Variants in NEDD4 observed in about 807,000 individuals in gnomAD.
NEDD4 encodes the protein E3 ubiquitin-protein ligase NEDD4.
A neutral mutation model predicts 144.9 loss-of-function variants in NEDD4; 99 were observed. The ratio of observed to expected loss-of-function variants is 0.68; its 90% CI spans 0.58 to 0.81. The LOEUF (loss-of-function observed/expected upper bound fraction) is 0.81. NEDD4 is among the 30% of genes least tolerant of loss of function. The pLI is 0.00. For synonymous variants in NEDD4, 318 were observed against 350.6 expected, an observed-to-expected ratio of 0.91 and a Z score of 1.04; for missense variants, 985 against 1,065.9, an observed-to-expected ratio of 0.92 and a Z score of 1.06.
At chr15:55,978,465 T>G (rs1449384793) in intron 1 of NEDD4, among the ~76,000 whole-genome samples, 1 of 152,220 alleles carries the variant, frequency 6.6e-6, no homozygotes, top group Non-Finnish European at 1.5e-5. Context: ...TTGTAATCTC[T>G]CACATGTTTG....
chr15:55,969,558 C>A (rs181348165), intron 1 of NEDD4, among the ~76,000 whole-genome samples: 11 of 152,264 alleles, frequency 7.2e-5, no homozygotes, highest in Non-Finnish European at 1.6e-4. Flanking sequence ...TGTTCTCCAA[C>A]TTGGATACCA....
At chr15:55,849,586 T>C (rs904747537) in intron 14 of NEDD4, among the ~76,000 whole-genome samples, 6 of 152,096 alleles carry the variant, frequency 3.9e-5, no homozygotes, top group African/African-American at 1.4e-4. Flanking sequence ...ATTAATATTT[T>C]TGAATAACAG....
chr15:55,940,438 CTTAT>C (rs1269362262), intron 4 of NEDD4, among the ~76,000 whole-genome samples: 1 of 150,602 alleles, frequency 6.6e-6, no homozygotes, highest in Non-Finnish European at 1.5e-5. Context: ...GTTTAAATGG[CTTAT>C]TTTTCTCATT....
chr15:55,864,536 C>T (rs973521484), intron 8 of NEDD4, among the ~76,000 whole-genome samples: 1 of 151,332 alleles, frequency 6.6e-6, no homozygotes, highest in Non-Finnish European at 1.5e-5. Context: ...ACAAAATTAG[C>T]CAGGTGTGGT....
At chr15:55,962,934 G>A (rs569835642) in intron 2 of NEDD4, among the ~76,000 whole-genome samples, 9 of 150,876 alleles carry the variant, frequency 6.0e-5, no homozygotes, top group South Asian at 2.1e-4. Flanking sequence ...TTACAGACAC[G>A]CGCCACCATA....
chr15:55,963,929 T>G (rs1312079790), intron 2 of NEDD4, among the ~76,000 whole-genome samples: 3 of 152,176 alleles, frequency 2.0e-5, no homozygotes, highest in African/African-American at 7.2e-5. Flanking sequence ...TATTTTATTG[T>G]TCCATTTTCT....
chr15:55,936,922 A>T, intron 4 of NEDD4, among the ~76,000 whole-genome samples: 1 of 151,696 alleles, frequency 6.6e-6, no homozygotes, highest in Non-Finnish European at 1.5e-5. Context: ...CCTCTTGAGT[A>T]GTTGGGATTA....
chr15:55,943,074 G>A (rs1312014285), intron 4 of NEDD4, among the ~76,000 whole-genome samples: 2 of 152,220 alleles, frequency 1.3e-5, no homozygotes. Flanking sequence ...ACGGTATCTG[G>A]CAGAAGAAAT....
chr15:55,948,259 T>C (rs1391788021), intron 4 of NEDD4, among the ~76,000 whole-genome samples: 1 of 152,138 alleles, frequency 6.6e-6, no homozygotes, highest in Non-Finnish European at 1.5e-5. Context: ...GTGAAGGACC[T>C]CTTCAAGGAG....
At position 55,951,589 on chromosome 15, in the gene NEDD4, A is replaced by G. The variant is rs2037241275; in HGVS notation, c.120T>C (p.Ser40=). The G allele has an allele frequency of 1.4e-6, 2 of 1,389,408 alleles. No homozygotes were observed. Among genetic ancestry groups the G allele is most frequent in the African/African-American group, 4.0e-5 (2 of 50,144 alleles). The allele number at this position is 1,389,408 out of a possible 1,614,324, so 86.1% of individuals were successfully genotyped here. ...GLAKKDILGA[S]DPYVRVTLYD... is the part of the protein sequence containing the mutation. Reference sequence around the variant, plus strand: ...ATAACGTCACTCTCACGTAAGGATCACTGTTAAAAAAAAAAAAAAAAAGAA... The same window carrying G: ...ATAACGTCACTCTCACGTAAGGATCGCTGTTAAAAAAAAAAAAAAAAAGAA... The change falls in exon 3 of 29, where the codon AGT becomes AGC. Residue 40 remains serine (S), a splice_region_variant and synonymous_variant. Transcript: ENST00000435532.
intron 5 of NEDD4, chr15:55,917,051 C>G (rs2036472962): frequency 7.8e-7 from 1 of 1,279,894 alleles, no homozygotes; most frequent in Non-Finnish European, 9.8e-7. Context: ...TCCAAAATGT[C>G]TTGAATCGCT....
At chr15:55,853,777 T>G (rs1474010973) in intron 12 of NEDD4, among the ~76,000 whole-genome samples, 1 of 152,098 alleles carries the variant, frequency 6.6e-6, no homozygotes, top group Non-Finnish European at 1.5e-5. Flanking sequence ...TCACCTGAGT[T>G]CAGGAAGTCG....
chr15:55,965,129 G>A (rs1167023587), intron 2 of NEDD4, among the ~76,000 whole-genome samples: 1 of 152,042 alleles, frequency 6.6e-6, no homozygotes, highest in Non-Finnish European at 1.5e-5. Context: ...TTCTGTTATA[G>A]CAACACTAAA....
intron 4 of NEDD4, among the ~76,000 whole-genome samples, chr15:55,937,234 T>G (rs1330257584): frequency 6.6e-6 from 1 of 151,876 alleles, no homozygotes; most frequent in African/African-American, 2.4e-5. Flanking sequence ...CAATTTCCAT[T>G]TGGCCGAATG....
intron 5 of NEDD4, among the ~76,000 whole-genome samples, chr15:55,913,686 T>C (rs2036344890): frequency 1.3e-5 from 2 of 152,116 alleles, no homozygotes; most frequent in South Asian, 2.1e-4. Context: ...ATAAAACCAG[T>C]AACAGTGGAT....
chr15:55,959,807 C>T (rs191430861), intron 2 of NEDD4, among the ~76,000 whole-genome samples: 1 of 152,296 alleles, frequency 6.6e-6, no homozygotes, highest in Admixed American at 6.5e-5. Flanking sequence ...TGAATGCCAC[C>T]AGCAACCACA....
chr15:55,902,824 A>C (rs2035953562), intron 5 of NEDD4, among the ~76,000 whole-genome samples: 1 of 152,172 alleles, frequency 6.6e-6, no homozygotes, highest in African/African-American at 2.4e-5. Flanking sequence ...ACAAGTTGGA[A>C]GACAAGGAAG....
chr15:55,950,612 G>A (rs73418160), intron 4 of NEDD4, among the ~76,000 whole-genome samples: 2,835 of 152,174 alleles, frequency 0.019, 80 homozygotes, highest in African/African-American at 0.064. Context: ...AATAACAGCA[G>A]TTTCATTTGA....
At chr15:55,940,801 C>T (rs554605898) in intron 4 of NEDD4, among the ~76,000 whole-genome samples, 2 of 152,006 alleles carry the variant, frequency 1.3e-5, no homozygotes, top group South Asian at 4.2e-4. Context: ...GTATTATAGG[C>T]ATGAGCCACC....
Sources: allele counts gnomAD v4.1 joint callset (sites outside exome capture counted in the v4.1 genomes callset), GRCh38; gene constraint gnomAD v4.1.1; transcripts MANE v1.5; gene names NCBI Gene and HGNC (gene_info 2026-07-23, HGNC 2026-07-21).